PCDH15: variants seen among roughly 807,000 people sequenced by gnomAD.
PCDH15 encodes protocadherin-15.
In PCDH15, 129 loss-of-function variants were observed where a neutral mutation model predicts 178.5. The ratio of observed to expected loss-of-function variants is 0.72; its 90% CI spans 0.63 to 0.84. The LOEUF (loss-of-function observed/expected upper bound fraction) is 0.84. Among genes scored for constraint, PCDH15 ranks in the 40% least tolerant of loss-of-function variants. The pLI is 0.00. For missense variants in PCDH15, 2,230 were observed against 2,099.9 expected (o/e 1.06, Z -1.21); for synonymous variants, 800 against 732.0 (o/e 1.09, Z -1.50).
At chr10:55,611,283 AC>A (rs1184729491) in intron 2 of PCDH15, among the ~76,000 whole-genome samples, 3 of 152,072 alleles carry the variant, frequency 2.0e-5, no homozygotes, top group Admixed American at 1.3e-4. Context: ...GAGTTAATAT[AC>A]AAAATATACA....
At chr10:54,840,626 C>T (rs141190139) in intron 3 of PCDH15, among the ~76,000 whole-genome samples, 16 of 151,508 alleles carry the variant, frequency 1.1e-4, no homozygotes, top group East Asian at 7.8e-4. Context: ...AATTTTCTAA[C>T]GAAAAAGTAA....
intron 2 of PCDH15, among the ~76,000 whole-genome samples, chr10:55,342,339 A>G (rs1392753564): frequency 2.0e-5 from 3 of 151,990 alleles, no homozygotes; most frequent in African/African-American, 7.2e-5. Context: ...TTAATTTAAA[A>G]GTAGTTTATA....
chr10:54,342,352 G>T (rs118183820), intron 6 of PCDH15, among the ~76,000 whole-genome samples: 5,896 of 152,238 alleles, frequency 0.039, 163 homozygotes, highest in Non-Finnish European at 0.052. Flanking sequence ...AAAATGTACA[G>T]TTCAGGCCAT....
In PCDH15 at chr10:53,827,437, A is replaced by AGGCGGCGGCGGC. The variant is rs559130985; in HGVS notation, c.4311_4322dup (p.Pro1440_Pro1443dup). On this transcript the variant is annotated inframe_insertion, in exon 32 of 38. Coordinates refer to ENST00000644397, the MANE Select transcript of PCDH15 (RefSeq NM_001384140.1). ...CTTCATAGAGATGCGCACCTGGCGG[A>AGGCGGCGGCGGC]GGCGGCGGCGGCGGCGGGGGCGCTG... 6.2e-7 allele frequency: 1 copy of AGGCGGCGGCGGC among 1,612,680 alleles called. No individual in the cohort carries two copies. Among genetic ancestry groups the AGGCGGCGGCGGC allele is most frequent in the East Asian group, 2.2e-5 (1 of 44,822 alleles).
intron 26 of PCDH15, among the ~76,000 whole-genome samples, chr10:53,871,393 A>G (rs2079838833): frequency 6.6e-6 from 1 of 151,932 alleles, no homozygotes; most frequent in Non-Finnish European, 1.5e-5. Context: ...TTCTTTATTC[A>G]TAAGATAAAA....
intron 3 of PCDH15, among the ~76,000 whole-genome samples, chr10:54,434,221 C>A (rs7094902): frequency 0.033 from 4,971 of 151,144 alleles, 284 homozygotes; most frequent in African/African-American, 0.11. Context: ...AGTAAAGATA[C>A]AGTAAGCTAA....
At chr10:54,208,575 C>T (rs564014301) in intron 10 of PCDH15, among the ~76,000 whole-genome samples, 1 of 152,078 alleles carries the variant, frequency 6.6e-6, no homozygotes, top group East Asian at 1.9e-4. Context: ...CAATCTGCAA[C>T]CCAGAAAAGG....
At chr10:54,572,210 T>C (rs951435) in intron 2 of PCDH15, among the ~76,000 whole-genome samples, 119,465 of 152,020 alleles carry the variant, frequency 0.79, 47,241 homozygotes, top group East Asian at 0.84. Flanking sequence ...TTATAACTAA[T>C]TTACTGACAA....
chr10:54,151,891 T>C (rs988481625), intron 14 of PCDH15, among the ~76,000 whole-genome samples: 24 of 152,272 alleles, frequency 1.6e-4, no homozygotes, highest in African/African-American at 5.3e-4. Context: ...GGTAAGTTAG[T>C]AGCACCAGAG....
Position 53,857,156 on chromosome 10 carries a change from A to T in PCDH15, c.3806+19T>A. The T allele has an allele frequency of 6.7e-7, 1 of 1,495,776 alleles. No homozygotes were observed. The highest frequency in any genetic ancestry group is 9.3e-7 in the Non-Finnish European group (1 of 1,074,548). 92.7% of individuals were successfully genotyped at this position (1,495,776 alleles called of 1,614,324 possible). ...ATGGTCATATAAAAATAAATATATA[A>T]GGAGACAAAATCAATTACTCTGTAA... is the stretch of plus-strand genomic sequence containing the variant. On this transcript the variant is annotated intron_variant, in intron 28 of 37. Coordinates refer to ENST00000644397, the MANE Select transcript of PCDH15 (RefSeq NM_001384140.1).
intron 1 of PCDH15, among the ~76,000 whole-genome samples, chr10:55,220,234 C>A (rs1027609870): frequency 1.3e-5 from 2 of 151,964 alleles, no homozygotes; most frequent in Admixed American, 1.3e-4. Flanking sequence ...AGCAAACTCT[C>A]CCTGATCTGA....
chr10:54,277,172 C>A (rs1329062407), intron 8 of PCDH15, among the ~76,000 whole-genome samples: 2 of 151,488 alleles, frequency 1.3e-5, no homozygotes, highest in Admixed American at 6.6e-5. Flanking sequence ...AGTTAAATAA[C>A]CTTCAGGAAA....
At chr10:54,669,580 T>C (rs1429896449) in intron 1 of PCDH15, among the ~76,000 whole-genome samples, 1 of 150,106 alleles carries the variant, frequency 6.7e-6, no homozygotes, top group Non-Finnish European at 1.5e-5. Context: ...GGGGTTCCGT[T>C]GTAGCTAATT....
At chr10:54,117,032 C>A (rs75588753) in intron 15 of PCDH15, among the ~76,000 whole-genome samples, 4,634 of 152,200 alleles carry the variant, frequency 0.03, 107 homozygotes, top group African/African-American at 0.061. Context: ...CAGCTGGAAA[C>A]TTCTGCGGCC....
At chr10:55,477,937 G>A (rs1840096043) in intron 2 of PCDH15, among the ~76,000 whole-genome samples, 1 of 151,730 alleles carries the variant, frequency 6.6e-6, no homozygotes, top group Non-Finnish European at 1.5e-5. Flanking sequence ...CTATCTACAA[G>A]AAATTTACTT....
At chr10:54,190,102 A>T (rs1347390824) in intron 11 of PCDH15, among the ~76,000 whole-genome samples, 1 of 152,134 alleles carries the variant, frequency 6.6e-6, no homozygotes, top group Non-Finnish European at 1.5e-5. Flanking sequence ...CACAACTCAC[A>T]TTCCTGGCTA....
chr10:54,199,555 A>AAACAAC (rs200906404), intron 10 of PCDH15, among the ~76,000 whole-genome samples: 3 of 137,934 alleles, frequency 2.2e-5, no homozygotes, highest in Admixed American at 7.4e-5. Context: ...TGTTGAATTT[A>AAACAAC]AACAACAACA....
At chr10:54,161,961 G>GAAGC (rs1425629387) in intron 13 of PCDH15, among the ~76,000 whole-genome samples, 1 of 152,082 alleles carries the variant, frequency 6.6e-6, no homozygotes, top group African/African-American at 2.4e-5. Context: ...GGCATTTTGT[G>GAAGC]AAGCAAGCAG....
At chr10:55,421,183 G>A (rs10825504) in intron 2 of PCDH15, among the ~76,000 whole-genome samples, 30,112 of 151,040 alleles carry the variant, frequency 0.2, 3,959 homozygotes, top group Non-Finnish European at 0.29. Context: ...ATGTTTTAAA[G>A]GCAAGATGAT....
Sources: gnomAD v4.1 joint callset for allele counts (sites outside exome capture counted in the v4.1 genomes callset) on GRCh38, gnomAD v4.1.1 for gene constraint, MANE v1.5 for transcripts, NCBI Gene and HGNC (gene_info 2026-07-23, HGNC 2026-07-21) for gene names.